GALNTL6: variants seen among roughly 807,000 people sequenced by gnomAD.
The protein encoded by GALNTL6 is polypeptide N-acetylgalactosaminyltransferase like 6, also known as polypeptide N-acetylgalactosaminyltransferase-like 6.
A neutral mutation model predicts 73.7 loss-of-function variants in GALNTL6; 46 were observed. That is an observed-to-expected ratio of 0.62 (90% CI 0.49 to 0.80). GALNTL6 has a LOEUF of 0.80. Among genes scored for constraint, GALNTL6 ranks in the 30% least tolerant of loss-of-function variants. The pLI is 0.00. For missense variants in GALNTL6, 604 were observed against 755.0 expected (o/e 0.80, Z 2.34); for synonymous variants, 259 against 263.7 (o/e 0.98, Z 0.17).
chr4:172,660,936 C>T (rs1731334121), intron 5 of GALNTL6, among the ~76,000 whole-genome samples: 1 of 152,132 alleles, frequency 6.6e-6, no homozygotes, highest in African/African-American at 2.4e-5. Context: ...TGACCTACTG[C>T]AGAGGTTTTA....
chr4:172,967,814 T>C (rs992590565), intron 10 of GALNTL6, among the ~76,000 whole-genome samples: 3 of 152,170 alleles, frequency 2.0e-5, no homozygotes, highest in African/African-American at 7.2e-5. Context: ...TTTGATACTA[T>C]CTGTGGTTTT....
At chr4:171,932,291 T>G (rs1738208696) in intron 2 of GALNTL6, among the ~76,000 whole-genome samples, 1 of 152,266 alleles carries the variant, frequency 6.6e-6, no homozygotes, top group Non-Finnish European at 1.5e-5. Flanking sequence ...ACAACAATTT[T>G]GAAGCTTGGC....
chr4:172,566,929 T>C (rs1188975234), intron 5 of GALNTL6, among the ~76,000 whole-genome samples: 1 of 152,112 alleles, frequency 6.6e-6, no homozygotes, highest in Admixed American at 6.6e-5. Flanking sequence ...TGGTGATCTT[T>C]CTTTGCTTCT....
chr4:172,480,077 G>C (rs1733387558), intron 5 of GALNTL6, among the ~76,000 whole-genome samples: 1 of 152,068 alleles, frequency 6.6e-6, no homozygotes. Context: ...ATAACCTTGG[G>C]TCTTTCAAAG....
chr4:172,298,265 G>A (rs2111115055), intron 3 of GALNTL6, among the ~76,000 whole-genome samples: 1 of 152,140 alleles, frequency 6.6e-6, no homozygotes, highest in East Asian at 1.9e-4. Flanking sequence ...TGAGATGATG[G>A]GGTTTTCTAG....
chr4:171,995,176 G>C (rs538470480), intron 2 of GALNTL6, among the ~76,000 whole-genome samples: 1 of 151,834 alleles, frequency 6.6e-6, no homozygotes, highest in Non-Finnish European at 1.5e-5. Context: ...GAGACATTTT[G>C]TTCATAGAAA....
intron 2 of GALNTL6, among the ~76,000 whole-genome samples, chr4:171,883,837 T>C (rs539475471): frequency 2.2e-4 from 34 of 152,044 alleles, no homozygotes; most frequent in South Asian, 4.2e-4. Context: ...TTAGTAGAGA[T>C]GGGGTTTCTC....
intron 7 of GALNTL6, among the ~76,000 whole-genome samples, chr4:172,877,259 A>G (rs1332762247): frequency 6.6e-6 from 1 of 152,174 alleles, no homozygotes; most frequent in South Asian, 2.1e-4. Context: ...ATAATGTCTG[A>G]AAATGTGAGA....
chr4:172,186,890 C>G (rs1735431473), intron 2 of GALNTL6, among the ~76,000 whole-genome samples: 1 of 152,072 alleles, frequency 6.6e-6, no homozygotes, highest in Non-Finnish European at 1.5e-5. Context: ...CTAAAAGCCA[C>G]TGAGTTCCTT....
intron 7 of GALNTL6, among the ~76,000 whole-genome samples, chr4:172,860,535 G>A (rs1744342073): frequency 6.6e-6 from 1 of 152,198 alleles, no homozygotes; most frequent in South Asian, 2.1e-4. Flanking sequence ...TAACCTCTAT[G>A]ACTCAGAACA....
intron 5 of GALNTL6, among the ~76,000 whole-genome samples, chr4:172,528,963 A>ATATATATATATATATATATATG (rs1350827830): frequency 9.3e-4 from 28 of 30,202 alleles, no homozygotes; most frequent in South Asian, 2.7e-3. Flanking sequence ...ATATATATAT[A>ATATATATATATATATATATATG]TGTGTGTGTA....
chr4:172,576,505 G>T (rs1158398645), intron 5 of GALNTL6, among the ~76,000 whole-genome samples: 2 of 152,168 alleles, frequency 1.3e-5, no homozygotes, highest in African/African-American at 4.8e-5. Context: ...GAAAGAACTT[G>T]CAGTCAGGAA....
At chr4:172,619,610 G>T (rs1299988379) in intron 5 of GALNTL6, among the ~76,000 whole-genome samples, 1 of 152,206 alleles carries the variant, frequency 6.6e-6, no homozygotes, top group African/African-American at 2.4e-5. Flanking sequence ...TCAGGTCTAA[G>T]TTGAATGCAA....
At chr4:172,851,285 C>T (rs1038644436) in intron 7 of GALNTL6, among the ~76,000 whole-genome samples, 4 of 151,858 alleles carry the variant, frequency 2.6e-5, no homozygotes, top group African/African-American at 9.7e-5. Flanking sequence ...GGATCAAAGA[C>T]CAAATATTAG....
chr4:172,432,733 T>C (rs1257646901), intron 5 of GALNTL6, among the ~76,000 whole-genome samples: 1 of 152,010 alleles, frequency 6.6e-6, no homozygotes, highest in Non-Finnish European at 1.5e-5. Flanking sequence ...AAATCTCTTT[T>C]AAAAATCTGG....
chr4:172,622,850 T>C (rs1739016670), intron 5 of GALNTL6, among the ~76,000 whole-genome samples: 1 of 151,978 alleles, frequency 6.6e-6, no homozygotes, highest in African/African-American at 2.4e-5. Flanking sequence ...GATGAGGAGA[T>C]GTGAATAATT....
At chr4:173,004,402 G>A (rs370336270) in intron 10 of GALNTL6, among the ~76,000 whole-genome samples, 4 of 152,226 alleles carry the variant, frequency 2.6e-5, no homozygotes, top group South Asian at 4.2e-4. Flanking sequence ...CCAAGGCAGC[G>A]GATCATCTGA....
intron 10 of GALNTL6, among the ~76,000 whole-genome samples, chr4:172,971,445 G>A (rs1162916314): frequency 6.6e-6 from 1 of 152,126 alleles, no homozygotes; most frequent in Non-Finnish European, 1.5e-5. Flanking sequence ...TGCAGGCTCT[G>A]GTAGAAATTG....
intron 5 of GALNTL6, among the ~76,000 whole-genome samples, chr4:172,444,754 A>C (rs1731958680): frequency 1.3e-5 from 2 of 152,148 alleles, no homozygotes; most frequent in South Asian, 4.1e-4. Context: ...TAGGCAGCAA[A>C]ATACCTCATC....
Sources: allele counts gnomAD v4.1 joint callset (sites outside exome capture counted in the v4.1 genomes callset), GRCh38; gene constraint gnomAD v4.1.1; transcripts MANE v1.5; gene names NCBI Gene and HGNC (gene_info 2026-07-23, HGNC 2026-07-21).